Variants in SHROOM3 observed in about 807,000 individuals in gnomAD.
SHROOM3 encodes the protein shroom family member 3.
A neutral mutation model predicts 138.6 loss-of-function variants in SHROOM3; 47 were observed. The observed-to-expected ratio is 0.34, with a 90% CI of 0.27 to 0.43. SHROOM3 has a LOEUF of 0.43. SHROOM3 is among the 20% of genes least tolerant of loss of function. The pLI, the probability that SHROOM3 is intolerant of heterozygous loss-of-function variation, is 1.00. For missense variants in SHROOM3, 2,491 were observed against 2,596.5 expected, an observed-to-expected ratio of 0.96 and a Z score of 0.88; for synonymous variants, 1,062 against 1,063.3, an observed-to-expected ratio of 1.00 and a Z score of 0.02.
intron 2 of SHROOM3, among the ~76,000 whole-genome samples, chr4:76,704,475 C>G (rs4859709): frequency 1.3e-5 from 2 of 152,210 alleles, no homozygotes; most frequent in African/African-American, 4.8e-5. Flanking sequence ...GATGTTCCAG[C>G]TGGGAGCAGA....
chr4:76,478,707 A>G (rs1198075496), intron 1 of SHROOM3, among the ~76,000 whole-genome samples: 2 of 152,176 alleles, frequency 1.3e-5, no homozygotes, highest in African/African-American at 4.8e-5. Flanking sequence ...GTAGGGGATG[A>G]CAGACACCTC....
intron 1 of SHROOM3, among the ~76,000 whole-genome samples, chr4:76,477,950 A>G (rs1731523263): frequency 1.3e-5 from 2 of 152,278 alleles, no homozygotes; most frequent in Non-Finnish European, 2.9e-5. Flanking sequence ...TGGCCCAGAC[A>G]TTATGCTTTT....
intron 2 of SHROOM3, among the ~76,000 whole-genome samples, chr4:76,631,203 C>CTTTTTTTTTTTTTTT (rs71212436): frequency 9.6e-6 from 1 of 104,192 alleles, no homozygotes. Context: ...TTTTTTTAAT[C>CTTTTTTTTTTTTTTT]TTTTTTTTTT....
At chr4:76,576,589 A>G (rs1344109549) in intron 2 of SHROOM3, among the ~76,000 whole-genome samples, 2 of 152,196 alleles carry the variant, frequency 1.3e-5, no homozygotes, top group Non-Finnish European at 2.9e-5. Flanking sequence ...TGATAGCACA[A>G]CAAGGTGACT....
At position 76,741,402 on chromosome 4, in the gene SHROOM3, G is replaced by C; in HGVS notation, c.3229G>C (p.Glu1077Gln). Reference sequence around the variant, plus strand: ...CTCCACGCTCAGCCTGTCGGGGCCCGAGCTGAAGCAGTTCCAGCAGAGCGC... The same window carrying C: ...CTCCACGCTCAGCCTGTCGGGGCCCCAGCTGAAGCAGTTCCAGCAGAGCGC... ...ACSTLSLSGPELKQFQQSALA... is the reference protein window; with the variant it reads ...ACSTLSLSGPQLKQFQQSALA... The change falls in exon 5 of 11, where the codon GAG becomes CAG. Residue 1077 changes from glutamate to glutamine, a missense_variant. Physicochemically the swap from Glu to Gln is conservative, Grantham distance 29. Coordinates refer to ENST00000296043, the MANE Select transcript of SHROOM3 (RefSeq NM_020859.4). The surrounding 1 kb of genome is among the most constrained non-coding windows in gnomAD (Gnocchi z 6.2). 1 of 1,600,426 alleles carries C rather than the reference G, an allele frequency of 6.2e-7. No individual in the cohort carries two copies. The highest frequency in any genetic ancestry group is 8.5e-7 in the Non-Finnish European group (1 of 1,174,514).
intron 1 of SHROOM3, among the ~76,000 whole-genome samples, chr4:76,468,990 T>C (rs923810454): frequency 1.4e-5 from 2 of 147,890 alleles, no homozygotes; most frequent in South Asian, 2.1e-4. Flanking sequence ...GCTGAGATGG[T>C]GCCACTGCAC....
chr4:76,531,023 A>G (rs1040261040), intron 1 of SHROOM3, among the ~76,000 whole-genome samples: 3 of 152,218 alleles, frequency 2.0e-5, no homozygotes, highest in Non-Finnish European at 4.4e-5. Context: ...TGTAATAATA[A>G]TAGCAGTGCT....
chr4:76,633,617 A>G (rs528512489), intron 2 of SHROOM3, among the ~76,000 whole-genome samples: 4 of 137,812 alleles, frequency 2.9e-5, no homozygotes, highest in South Asian at 4.7e-4. Flanking sequence ...AGATTGCGCC[A>G]CCGCACTCCA....
chr4:76,582,712 CTCTTCACCACA>C (rs919035023), intron 2 of SHROOM3, among the ~76,000 whole-genome samples: 71 of 152,318 alleles, frequency 4.7e-4, no homozygotes, highest in African/African-American at 1.6e-3. Context: ...TTTTTATCCT[CTCTTCACCACA>C]AATATTAGGA....
intron 1 of SHROOM3, among the ~76,000 whole-genome samples, chr4:76,476,058 T>C (rs1731479021): frequency 6.6e-6 from 1 of 152,240 alleles, no homozygotes; most frequent in African/African-American, 2.4e-5. Context: ...TTTATTTAAA[T>C]CTGATGAACT....
At chr4:76,758,878 G>A (rs924931599) in intron 8 of SHROOM3, among the ~76,000 whole-genome samples, 1 of 152,164 alleles carries the variant, frequency 6.6e-6, no homozygotes, top group African/African-American at 2.4e-5. Flanking sequence ...CAACTCAAAT[G>A]TGGTAAAACA....
At chr4:76,493,905 G>T (rs1731909854) in intron 1 of SHROOM3, among the ~76,000 whole-genome samples, 1 of 152,198 alleles carries the variant, frequency 6.6e-6, no homozygotes, top group South Asian at 2.1e-4. Flanking sequence ...TTTGAAACCG[G>T]AAGGCAGAGG....
chr4:76,450,348 C>T (rs1235310260), intron 1 of SHROOM3, among the ~76,000 whole-genome samples: 1 of 152,116 alleles, frequency 6.6e-6, no homozygotes, highest in Non-Finnish European at 1.5e-5. Context: ...AAATATTAAA[C>T]ATAGAGTTAC....
intron 4 of SHROOM3, among the ~76,000 whole-genome samples, chr4:76,738,377 C>T (rs1350192530): frequency 2.6e-5 from 4 of 152,214 alleles, no homozygotes; most frequent in Non-Finnish European, 5.9e-5. Context: ...CACAAACAGC[C>T]CCAGTAGACA....
intron 5 of SHROOM3, among the ~76,000 whole-genome samples, chr4:76,743,741 G>A (rs1721340206): frequency 6.6e-6 from 1 of 152,176 alleles, no homozygotes; most frequent in African/African-American, 2.4e-5. Context: ...TTTTCTCCCA[G>A]TATAAATCCC....
intron 3 of SHROOM3, among the ~76,000 whole-genome samples, chr4:76,721,203 T>C (rs1011938140): frequency 4.0e-5 from 6 of 149,840 alleles, no homozygotes; most frequent in South Asian, 2.1e-4. Context: ...CCCAGCTACT[T>C]GGGAGGCTGA....
At chr4:76,465,232 C>T (rs10002333) in intron 1 of SHROOM3, among the ~76,000 whole-genome samples, 2,117 of 152,270 alleles carry the variant, frequency 0.014, 53 homozygotes, top group African/African-American at 0.048. Context: ...TTAAAGTGTG[C>T]ACTTATCTAA....
At chr4:76,720,151 GTTTTTTTTTTTT>G (rs59839066) in intron 3 of SHROOM3, among the ~76,000 whole-genome samples, 6 of 83,016 alleles carry the variant, frequency 7.2e-5, no homozygotes, top group South Asian at 1.1e-3. Context: ...TGTTTTTTAG[GTTTTTTTTTTTT>G]TTTTTTTTTT....
chr4:76,724,825 C>T (rs1462880827), intron 3 of SHROOM3, among the ~76,000 whole-genome samples: 2 of 152,164 alleles, frequency 1.3e-5, no homozygotes, highest in African/African-American at 4.8e-5. Context: ...TAGTCTGCTG[C>T]TAATGGGCAT....
Sources: allele counts gnomAD v4.1 joint callset (sites outside exome capture counted in the v4.1 genomes callset), GRCh38; gene constraint gnomAD v4.1.1; non-coding constraint Gnocchi (gnomAD v3.1); transcripts MANE v1.5; gene names NCBI Gene and HGNC (gene_info 2026-07-23, HGNC 2026-07-21).